The following FAM229B variants were observed in gnomAD, a reference collection of about 807,000 sequenced individuals.
The protein encoded by FAM229B is family with sequence similarity 229 member B, also known as protein FAM229B.
A neutral mutation model predicts 6.7 loss-of-function variants in FAM229B; 2 were observed. The ratio of observed to expected loss-of-function variants is 0.30; its 90% CI spans 0.12 to 0.94. The LOEUF is 0.94. Among genes scored for constraint, FAM229B ranks in the 40% least tolerant of loss-of-function variants. FAM229B has a pLI of 0.54. For missense variants in FAM229B, 93 were observed against 96.2 expected, an observed-to-expected ratio of 0.97 and a Z score of 0.14; for synonymous variants, 29 against 34.0, an observed-to-expected ratio of 0.85 and a Z score of 0.51.
In FAM229B at chr6:112,096,555, C is replaced by T. The variant is rs1234186782; in HGVS notation, c.-175-486C>T. Among the ~76,000 whole-genome samples, 3 of 151,554 alleles carry T rather than the reference C, an allele frequency of 2.0e-5. No homozygotes were observed. In the East Asian group the frequency reaches 5.8e-4, roughly 29 times the overall value. On this transcript the variant is annotated intron_variant, in intron 1 of 3. Coordinates refer to ENST00000368656, the MANE Select transcript of FAM229B (RefSeq NM_001033564.3). The stretch of plus-strand genomic sequence containing the variant: ...TGGGTGACAGAGCGAGACTCTGTCT[C>T]AACAACAACAACAAAAAAGATGTAT...
In FAM229B at chr6:112,100,824, AG is replaced by A; in HGVS notation, c.*40del. 1 of 1,445,702 alleles carries A rather than the reference AG, an allele frequency of 6.9e-7. No homozygotes were observed. The highest frequency in any genetic ancestry group is 9.7e-7 in the Non-Finnish European group (1 of 1,027,064). 89.6% of individuals were successfully genotyped at this position (1,445,702 alleles called of 1,614,324 possible). On this transcript the variant is annotated 3_prime_UTR_variant, in exon 4 of 4. Transcript: ENST00000368656. The stretch of plus-strand genomic sequence containing the variant: ...CTTTTGTCAAGGTCTGACTAGGTCA[AG>A]GGTAATGGACCAGTATCATCTGGTG...
chr6:112,099,169 C>A, intron 2 of FAM229B, 101 bp from the exon 3 acceptor site: 1 of 1,071,532 alleles, frequency 9.3e-7, no homozygotes, highest in East Asian at 2.5e-5. Flanking sequence ...GACTCTGACT[C>A]TTTAAAACAT....
intron 2 of FAM229B, 88 bp from the exon 3 acceptor site, chr6:112,099,182 C>T (rs1562611574): frequency 3.4e-6 from 4 of 1,164,942 alleles, no homozygotes; most frequent in Non-Finnish European, 4.9e-6. Flanking sequence ...TAAAACATTC[C>T]ATGCAAGTCT....
chr6:112,093,598 T>C (rs1777285260), intron 1 of FAM229B, among the ~76,000 whole-genome samples: 1 of 152,114 alleles, frequency 6.6e-6, no homozygotes, highest in Admixed American at 6.5e-5. Context: ...ACCAAAGCAG[T>C]TTATATTCTG....
chr6:112,101,842 A>C lies in FAM229B; in HGVS notation c.*1055A>C, dbSNP rs1339025359. 1 of 152,212 alleles carries C rather than the reference A, an allele frequency of 6.6e-6. No individual in the cohort carries two copies. The highest frequency in any genetic ancestry group is 1.5e-5 in the Non-Finnish European group (1 of 68,040). The allele number at this position is 152,212 out of a possible 1,614,324, so 9.4% of individuals were successfully genotyped here. The stretch of plus-strand genomic sequence containing the variant: ...GCATTAGGTGAAAAGAAAAACTGCC[A>C]GGGAGTTATAAGAGGAAAAACTCTC... On this transcript the variant is annotated 3_prime_UTR_variant, in exon 4 of 4. Transcript: ENST00000368656.
intron 1 of FAM229B, among the ~76,000 whole-genome samples, chr6:112,088,845 C>T (rs1777216542): frequency 6.6e-6 from 1 of 152,150 alleles, no homozygotes; most frequent in African/African-American, 2.4e-5. Flanking sequence ...GTTATCAGTG[C>T]TAGGTGAGAT....
At chr6:112,088,444 A>AAG (rs1175232485) in intron 1 of FAM229B, among the ~76,000 whole-genome samples, 1 of 152,200 alleles carries the variant, frequency 6.6e-6, no homozygotes, top group African/African-American at 2.4e-5. Context: ...AATTCTGAAG[A>AAG]ACTACGAAAC....
chr6:112,099,597 TTGA>T (rs1305334695), intron 3 of FAM229B, among the ~76,000 whole-genome samples, 189 bp downstream of exon 3: 2 of 152,338 alleles, frequency 1.3e-5, no homozygotes, highest in African/African-American at 2.4e-5. Flanking sequence ...TCTGTAAGTC[TTGA>T]TGATAGAGCA....
rs1399096882 is a variant in FAM229B, at chr6:112,101,383, A to G, written c.*596A>G. 1.3e-5 allele frequency: 2 copies of G among 152,258 alleles called. No individual in the cohort carries two copies. Among genetic ancestry groups the G allele is most frequent in the African/African-American group, 4.8e-5 (2 of 41,478 alleles). The allele number at this position is 152,258 out of a possible 1,614,324, so 9.4% of individuals were successfully genotyped here. On this transcript the variant is annotated 3_prime_UTR_variant, in exon 4 of 4. Coordinates refer to ENST00000368656, the MANE Select transcript of FAM229B (RefSeq NM_001033564.3). ...GAGGAGCCCAGATTGTTGGTTAAAT[A>G]TATTGATAATGAAGTCAAAGCTGTG...
intron 3 of FAM229B, among the ~76,000 whole-genome samples, chr6:112,100,423 C>T (rs1777381137): frequency 1.3e-5 from 2 of 152,056 alleles, no homozygotes; most frequent in African/African-American, 2.4e-5. Context: ...AATCAACATC[C>T]GGAGGATTAT....
At chr6:112,097,881 G>T (rs1231591713) in intron 2 of FAM229B, among the ~76,000 whole-genome samples, 2 of 152,124 alleles carry the variant, frequency 1.3e-5, no homozygotes, top group African/African-American at 4.8e-5. Context: ...GAATGAGGGG[G>T]GATATTAAAC....
chr6:112,091,969 C>T (rs1208346771), intron 1 of FAM229B, among the ~76,000 whole-genome samples: 1 of 151,994 alleles, frequency 6.6e-6, no homozygotes, highest in East Asian at 1.9e-4. Flanking sequence ...GCAGATTAGA[C>T]ATTAGGCAAA....
intron 3 of FAM229B, 35 bp downstream of exon 3, chr6:112,099,443 G>A (rs1554319014): frequency 4.4e-6 from 7 of 1,575,712 alleles, no homozygotes; most frequent in Non-Finnish European, 6.0e-6. Context: ...GAGGAGATAT[G>A]TATTGGCTAT....
In FAM229B at chr6:112,102,328, A is replaced by G. The variant is rs1777409984; in HGVS notation, c.*1541A>G. On this transcript the variant is annotated 3_prime_UTR_variant, in exon 4 of 4. Transcript: ENST00000368656. ...GTGAAACCCCGACTCTACTAAAAAT[A>G]CAAAAATTAGTCGGGTATGATGGGC... 1.3e-5 allele frequency: 2 copies of G among 152,180 alleles called. No homozygotes were observed. Among genetic ancestry groups the G allele is most frequent in the African/African-American group, 4.8e-5 (2 of 41,432 alleles). The allele number at this position is 152,180 out of a possible 1,614,324, so 9.4% of individuals were successfully genotyped here. A position where few individuals can be genotyped will look rare whatever the true frequency, so the allele number is the denominator to read the frequency against.
rs1777394623 is a variant in FAM229B, at chr6:112,101,213, ATAC to A, written c.*429_*431del. ...TACCCTAAGCCAGTTTCCTGGCTTG[ATAC>A]TATTTGATAATGCTCTGCTCAGGAA... On this transcript the variant is annotated 3_prime_UTR_variant, in exon 4 of 4. Coordinates refer to ENST00000368656, the MANE Select transcript of FAM229B (RefSeq NM_001033564.3). 6.4e-6 allele frequency: 1 copy of A among 157,070 alleles called. No homozygotes were observed. The allele number at this position is 157,070 out of a possible 1,614,324, so 9.7% of individuals were successfully genotyped here. A position where few individuals can be genotyped will look rare whatever the true frequency, so the allele number is the denominator to read the frequency against.
At chr6:112,092,010 A>G (rs1026435944) in intron 1 of FAM229B, among the ~76,000 whole-genome samples, 1 of 152,170 alleles carries the variant, frequency 6.6e-6, no homozygotes, top group Non-Finnish European at 1.5e-5. Context: ...AAGATGTAGC[A>G]ATGGAAACTG....
chr6:112,097,404 A>G (rs782180182), intron 2 of FAM229B, among the ~76,000 whole-genome samples: 5 of 152,252 alleles, frequency 3.3e-5, no homozygotes, highest in Non-Finnish European at 4.4e-5. Context: ...ACACCAATAA[A>G]CATTCACTTT....
At chr6:112,094,982 A>G (rs6933200) in intron 1 of FAM229B, among the ~76,000 whole-genome samples, 45,317 of 152,046 alleles carry the variant, frequency 0.3, 7,136 homozygotes, top group African/African-American at 0.41. Flanking sequence ...CATCATTAAG[A>G]CTACTGTTTG....
chr6:112,095,494 T>C (rs768144055), intron 1 of FAM229B, among the ~76,000 whole-genome samples: 1 of 151,502 alleles, frequency 6.6e-6, no homozygotes, highest in Non-Finnish European at 1.5e-5. Context: ...TAGCTGGGCA[T>C]AGTGGTGTGC....
Sources: gnomAD v4.1 joint callset for allele counts (sites outside exome capture counted in the v4.1 genomes callset) on GRCh38, gnomAD v4.1.1 for gene constraint, MANE v1.5 for transcripts, NCBI Gene and HGNC (gene_info 2026-07-23, HGNC 2026-07-21) for gene names.